The following USH2A variants were observed in gnomAD, a reference collection of about 807,000 sequenced individuals.
USH2A encodes Usher syndrome 2A (autosomal recessive, mild).
A neutral mutation model predicts 538.9 loss-of-function variants in USH2A; 443 were observed. That is an observed-to-expected ratio of 0.82 (90% CI 0.76 to 0.89). The LOEUF is 0.89. USH2A is among the 40% of genes least tolerant of loss of function. USH2A has a pLI of 0.00. For missense variants in USH2A, 6,633 were observed against 6,324.8 expected (o/e 1.05, Z -1.65); for synonymous variants, 2,413 against 2,273.5 (o/e 1.06, Z -1.75).
intron 11 of USH2A, among the ~76,000 whole-genome samples, chr1:216,278,802 A>G (rs2036718399): frequency 6.6e-6 from 1 of 152,228 alleles, no homozygotes; most frequent in African/African-American, 2.4e-5. Context: ...TGGACATGTT[A>G]TGGTAATTAA....
chr1:215,817,021 G>C lies in USH2A; in HGVS notation c.9546C>G (p.His3182Gln), dbSNP rs1172352073. 1 of 1,612,446 alleles carries C rather than the reference G, an allele frequency of 6.2e-7. No individual in the cohort carries two copies. The highest frequency in any genetic ancestry group is 8.5e-7 in the Non-Finnish European group (1 of 1,178,890). ...RCQKPESICG[H>Q]ICYSSEAKVC... The stretch of plus-strand genomic sequence containing the variant: ...CCTTAGCTTCAGAAGAATAGCAAAT[G>C]TGTCCACAGATAGATTCAGGTTTTT... The change falls in exon 48 of 72, where the codon CAC (histidine) becomes CAG (glutamine). Residue 3182 changes from histidine to glutamine, a missense_variant. Transcript: ENST00000307340.
At position 215,624,621 on chromosome 1, in the gene USH2A, C is replaced by G. The variant is rs1305503579; in HGVS notation, c.*1160G>C. 2 of 152,086 alleles carry G rather than the reference C, an allele frequency of 1.3e-5. No individual in the cohort carries two copies. Among genetic ancestry groups the G allele is most frequent in the Non-Finnish European group, 2.9e-5 (2 of 68,020 alleles). The allele number at this position is 152,086 out of a possible 1,614,324, so 9.4% of individuals were successfully genotyped here. A position where few individuals can be genotyped will look rare whatever the true frequency, so the allele number is the denominator to read the frequency against. On this transcript the variant is annotated 3_prime_UTR_variant, in exon 72 of 72. Coordinates refer to ENST00000307340, the MANE Select transcript of USH2A (RefSeq NM_206933.4). ...AAAATTTTTCTTGCCATAGGACTTT[C>G]ACCAATGACTTTGTAATCCAACTAG...
chr1:216,016,008 T>C (rs10864223), intron 32 of USH2A, among the ~76,000 whole-genome samples: 93,041 of 152,016 alleles, frequency 0.61, 28,835 homozygotes, highest in East Asian at 0.75. Flanking sequence ...GAATACTATG[T>C]AGCCATAAAA....
At position 216,219,441 on chromosome 1, in the gene USH2A, C is replaced by T. The variant is rs554842460; in HGVS notation, c.2994-1891G>A. 2.0e-5 allele frequency among the ~76,000 whole-genome samples: 3 copies of T among 152,128 alleles called. 1 individual carries two copies. In the South Asian group the frequency reaches 6.2e-4, roughly 32 times the overall value. ...GATTCCTTTAGATTTCTCAGCCACT[C>T]AAATATAATTTTAAACACTTCCAAG... On this transcript the variant is annotated intron_variant, in intron 14 of 71. Transcript: ENST00000307340.
intron 14 of USH2A, among the ~76,000 whole-genome samples, chr1:216,226,898 C>A (rs1448674694): frequency 6.6e-6 from 1 of 152,132 alleles, no homozygotes; most frequent in Non-Finnish European, 1.5e-5. Context: ...TCTAGCTTAC[C>A]TATCCAAACC....
intron 38 of USH2A, among the ~76,000 whole-genome samples, chr1:215,908,904 A>G (rs549418643): frequency 2.6e-5 from 4 of 151,314 alleles, no homozygotes; most frequent in African/African-American, 9.7e-5. Context: ...TTATACTACC[A>G]TCACTAAGAT....
chr1:216,111,638 T>G (rs1177319186), intron 21 of USH2A, among the ~76,000 whole-genome samples: 1 of 151,230 alleles, frequency 6.6e-6, no homozygotes, highest in Non-Finnish European at 1.5e-5. Context: ...CAAAGATGTA[T>G]AAATAACTGC....
At chr1:216,077,002 C>G (rs992154221) in intron 27 of USH2A, among the ~76,000 whole-genome samples, 1 of 152,108 alleles carries the variant, frequency 6.6e-6, no homozygotes, top group Non-Finnish European at 1.5e-5. Context: ...TTATAACAGG[C>G]TGCCTGAGAG....
At chr1:216,350,221 C>T (rs939014297) in intron 4 of USH2A, among the ~76,000 whole-genome samples, 1 of 152,108 alleles carries the variant, frequency 6.6e-6, no homozygotes, top group Non-Finnish European at 1.5e-5. Context: ...GGTATCACCT[C>T]CACCCTGGGG....
At chr1:215,887,622 C>T (rs1194082187) in intron 41 of USH2A, among the ~76,000 whole-genome samples, 1 of 152,184 alleles carries the variant, frequency 6.6e-6, no homozygotes, top group Non-Finnish European at 1.5e-5. Context: ...TTAAATTTCT[C>T]CAACAATTTA....
intron 40 of USH2A, among the ~76,000 whole-genome samples, chr1:215,898,251 T>C (rs1006468358): frequency 2.0e-5 from 3 of 152,160 alleles, no homozygotes; most frequent in Non-Finnish European, 4.4e-5. Context: ...AATTCTTACT[T>C]AAGGAAAATG....
At chr1:215,683,641 T>C (rs1158645610) in intron 61 of USH2A, among the ~76,000 whole-genome samples, 1 of 152,232 alleles carries the variant, frequency 6.6e-6, no homozygotes, top group African/African-American at 2.4e-5. Context: ...TCTTACTAAC[T>C]AGGAAAAGTC....
chr1:216,090,363 T>G (rs2032266962), intron 22 of USH2A, among the ~76,000 whole-genome samples: 1 of 151,646 alleles, frequency 6.6e-6, no homozygotes, highest in African/African-American at 2.4e-5. Flanking sequence ...CACATTTAAT[T>G]GGTTCCTGTC....
chr1:215,856,835 GT>G (rs1664183415), intron 44 of USH2A, among the ~76,000 whole-genome samples: 1 of 43,768 alleles, frequency 2.3e-5, no homozygotes, highest in African/African-American at 1.9e-4. Context: ...AAAATTTGGT[GT>G]GTGTGTGTGT....
chr1:216,042,189 A>ATATG (rs1447631521), intron 32 of USH2A, among the ~76,000 whole-genome samples: 7 of 152,062 alleles, frequency 4.6e-5, no homozygotes, highest in African/African-American at 1.7e-4. Flanking sequence ...TAATAAGGGA[A>ATATG]TATGTATTCA....
intron 15 of USH2A, among the ~76,000 whole-genome samples, chr1:216,212,879 C>A (rs1458853322): frequency 6.6e-6 from 1 of 152,044 alleles, no homozygotes; most frequent in Non-Finnish European, 1.5e-5. Flanking sequence ...TTTATTACCA[C>A]AGATAATATA....
intron 60 of USH2A, among the ~76,000 whole-genome samples, chr1:215,735,272 A>G (rs1421820984): frequency 1.2e-4 from 19 of 152,140 alleles, no homozygotes; most frequent in Admixed American, 1.2e-3. Flanking sequence ...TCAGTTCTAA[A>G]GGTGCTAGCT....
chr1:215,851,104 AAT>A (rs1664004692), intron 44 of USH2A, among the ~76,000 whole-genome samples: 1 of 152,188 alleles, frequency 6.6e-6, no homozygotes, highest in African/African-American at 2.4e-5. Flanking sequence ...AAAGACCACA[AAT>A]AGACAATCTA....
intron 4 of USH2A, among the ~76,000 whole-genome samples, chr1:216,338,033 A>G (rs946641517): frequency 1.3e-5 from 2 of 151,422 alleles, no homozygotes; most frequent in African/African-American, 4.8e-5. Context: ...AATAAATAGA[A>G]TGATATACTA....
Sources: gnomAD v4.1 joint callset for allele counts (sites outside exome capture counted in the v4.1 genomes callset) on GRCh38, gnomAD v4.1.1 for gene constraint, MANE v1.5 for transcripts, NCBI Gene and HGNC (gene_info 2026-07-23, HGNC 2026-07-21) for gene names.